The following NFAT5 variants were observed in gnomAD, a reference collection of about 807,000 sequenced individuals.
NFAT5 encodes the protein nuclear factor of activated T-cells 5.
In NFAT5, 31 loss-of-function variants were observed where a neutral mutation model predicts 166.5. The observed-to-expected ratio is 0.19, with a 90% CI of 0.14 to 0.25. The LOEUF (loss-of-function observed/expected upper bound fraction) is 0.25, where lower values mean the gene tolerates loss of function less well. Ranked by LOEUF, NFAT5 falls within the 10% of genes least tolerant of loss-of-function variation. The pLI is 1.00. For missense variants in NFAT5, 1,449 were observed against 1,821.8 expected (o/e 0.80, Z 3.72); for synonymous variants, 612 against 639.7 (o/e 0.96, Z 0.65).
At chr16:69,675,169 G>A (rs1406942628) in intron 9 of NFAT5, among the ~76,000 whole-genome samples, 1 of 152,214 alleles carries the variant, frequency 6.6e-6, no homozygotes, top group Non-Finnish European at 1.5e-5. Context: ...TTACTTAAAT[G>A]TGCTCTCCAA....
Position 69,583,358 on chromosome 16 carries a change from ATAACACCATGCCCAGCTAAT to A in NFAT5, c.127+14814_127+14833del, listed in dbSNP as rs2031826462. 8.6e-5 allele frequency among the ~76,000 whole-genome samples: 13 copies of A among 151,316 alleles called. 1 individual carries two copies. In the South Asian group the frequency reaches 2.7e-3, roughly 32 times the overall value. ...GGGACTACTCAGTGTTTACAGGTGT[ATAACACCATGCCCAGCTAAT>A]TAAAAAAAAAAAAAAATTGTAGGGA... is the stretch of plus-strand genomic sequence containing the variant. On this transcript the variant is annotated intron_variant, in intron 2 of 14. Coordinates refer to ENST00000349945, the MANE Select transcript of NFAT5 (RefSeq NM_138713.4).
chr16:69,568,469 T>G (rs763245008), intron 1 of NFAT5, 26 bp from the exon 2 acceptor site: 7 of 1,604,104 alleles, frequency 4.4e-6, no homozygotes, highest in Non-Finnish European at 6.0e-6. Context: ...GCATAAAAAG[T>G]ACCTAATGCT....
At chr16:69,568,355 T>G in intron 1 of NFAT5, 140 bp from the exon 2 acceptor site, 1 of 331,734 alleles carries the variant, frequency 3.0e-6, no homozygotes, top group Non-Finnish European at 5.5e-6. Context: ...TATGTGTGTG[T>G]GTGTGTGTGT....
chr16:69,680,112 C>T (rs749867139), intron 10 of NFAT5, among the ~76,000 whole-genome samples: 30 of 152,082 alleles, frequency 2.0e-4, no homozygotes, highest in Admixed American at 3.9e-4. Context: ...AGCAAGACTC[C>T]ATCTCAAAAG....
chr16:69,681,728 TA>T (rs11292303), intron 10 of NFAT5, among the ~76,000 whole-genome samples: 6,972 of 151,890 alleles, frequency 0.046, 553 homozygotes, highest in African/African-American at 0.16. Context: ...CCATCCTGGC[TA>T]ACACAGTGAA....
rs1304973511 is a variant in NFAT5, at chr16:69,647,150, T to C, written c.376T>C (p.Cys126Arg). ...CAGCAAGGCTATGCAAGTGGAGAGC[T>C]GCTCCTCAGCCGTGGGGGTAAGTAA... ...TDSKAMQVESCSSAVGVSNRG... is the reference protein window; with the variant it reads ...TDSKAMQVESRSSAVGVSNRG... The change falls in exon 4 of 15, where the codon TGC (cysteine) becomes CGC (arginine). Residue 126 changes from cysteine to arginine, a missense_variant. Around this residue, in one of 7 missense-constraint regions of NFAT5, gnomAD observed 172 missense variants for 194.5 expected, o/e 0.88. Coordinates refer to ENST00000349945, the MANE Select transcript of NFAT5 (RefSeq NM_138713.4). This position sits in a 1 kb window ranked among gnomAD's most constrained non-coding sequence, Gnocchi z 4.8. 1.2e-6 allele frequency: 2 copies of C among 1,614,032 alleles called. No homozygotes were observed. The highest frequency in any genetic ancestry group is 1.7e-6 in the Non-Finnish European group (2 of 1,180,004).
intron 2 of NFAT5, among the ~76,000 whole-genome samples, chr16:69,589,734 A>AT (rs143000731): frequency 3.3e-5 from 5 of 152,088 alleles, no homozygotes; most frequent in Non-Finnish European, 7.4e-5. Flanking sequence ...AGAAATCCTC[A>AT]TTTTTTTGCT....
chr16:69,647,005 T>C lies in NFAT5; in HGVS notation c.254-23T>C. 1 of 1,522,362 alleles carries C rather than the reference T, an allele frequency of 6.6e-7. No homozygotes were observed. The highest frequency in any genetic ancestry group is 8.8e-7 in the Non-Finnish European group (1 of 1,132,308). The allele number at this position is 1,522,362 out of a possible 1,614,324, so 94.3% of individuals were successfully genotyped here. ...TAGGTGAAAACATGTATAGTGTATT[T>C]ACTCTTGAATTGTACACTGCAGATG... On this transcript the variant is annotated intron_variant, in intron 3 of 14. Coordinates refer to ENST00000349945, the MANE Select transcript of NFAT5 (RefSeq NM_138713.4). The surrounding 1 kb of genome is among the most constrained non-coding windows in gnomAD (Gnocchi z 4.8).
intron 2 of NFAT5, among the ~76,000 whole-genome samples, chr16:69,581,607 C>G (rs1271031609): frequency 6.6e-6 from 1 of 152,022 alleles, no homozygotes; most frequent in East Asian, 1.9e-4. Flanking sequence ...TTGCCAGTAC[C>G]TATCTGTCTT....
At chr16:69,649,461 A>G in intron 4 of NFAT5, 1 of 984,560 alleles carries the variant, frequency 1.0e-6, no homozygotes, top group Non-Finnish European at 1.2e-6. Flanking sequence ...AAATGATTTG[A>G]GGTTACCCAG....
intron 2 of NFAT5, among the ~76,000 whole-genome samples, chr16:69,603,006 A>G (rs1173480770): frequency 6.6e-6 from 1 of 152,074 alleles, no homozygotes; most frequent in Non-Finnish European, 1.5e-5. Context: ...AAATCATGTT[A>G]CATGTATTCA....
intron 3 of NFAT5, among the ~76,000 whole-genome samples, chr16:69,638,168 G>A (rs770858584): frequency 6.6e-6 from 1 of 152,106 alleles, no homozygotes; most frequent in Non-Finnish European, 1.5e-5. Context: ...GCAGCGAGCC[G>A]AGATCACGCC....
At chr16:69,656,596 G>A (rs1440397222) in intron 6 of NFAT5, among the ~76,000 whole-genome samples, 1 of 151,948 alleles carries the variant, frequency 6.6e-6, no homozygotes, top group Non-Finnish European at 1.5e-5. Flanking sequence ...GAGATTACAG[G>A]CATCTGCCAC....
At chr16:69,620,370 A>G (rs1323356617) in intron 2 of NFAT5, among the ~76,000 whole-genome samples, 1 of 152,222 alleles carries the variant, frequency 6.6e-6, no homozygotes, top group Non-Finnish European at 1.5e-5. Context: ...AAAATTTTTA[A>G]TGAAATTTAG....
intron 2 of NFAT5, among the ~76,000 whole-genome samples, chr16:69,576,170 T>A (rs1244802270): frequency 6.7e-6 from 1 of 148,618 alleles, no homozygotes; most frequent in Non-Finnish European, 1.5e-5. Flanking sequence ...CTGGGCGTGG[T>A]GGGCGGGCAC....
At chr16:69,660,149 T>C (rs2036059497) in intron 7 of NFAT5, among the ~76,000 whole-genome samples, 1 of 152,192 alleles carries the variant, frequency 6.6e-6, no homozygotes, top group African/African-American at 2.4e-5. Flanking sequence ...AAAAGTAATT[T>C]GGACCAGACA....
chr16:69,628,011 C>T lies in NFAT5; in HGVS notation c.253+1483C>T, dbSNP rs922764305. 3.9e-5 allele frequency among the ~76,000 whole-genome samples: 6 copies of T among 151,980 alleles called. No individual in the cohort carries two copies. The South Asian group carries it at 6.2e-4, about 16-fold the overall frequency. On this transcript the variant is annotated intron_variant, in intron 3 of 14. Transcript: ENST00000349945. ...CTTTTGAGATTGTTTTTTAAAGATACGTTGAATCTATATAGAACTAAAAGT... is the reference window on the plus strand; with the variant it reads ...CTTTTGAGATTGTTTTTTAAAGATATGTTGAATCTATATAGAACTAAAAGT...
At chr16:69,621,432 A>G (rs907553670) in intron 2 of NFAT5, among the ~76,000 whole-genome samples, 35 of 151,154 alleles carry the variant, frequency 2.3e-4, no homozygotes, top group African/African-American at 6.3e-4. Context: ...ACTTTCTCTC[A>G]CTCTCTTTTC....
At chr16:69,573,905 C>T (rs2016585969) in intron 2 of NFAT5, among the ~76,000 whole-genome samples, 1 of 139,524 alleles carries the variant, frequency 7.2e-6, no homozygotes, top group Admixed American at 7.5e-5. Context: ...TAGAGTTTCG[C>T]TCTTGTTGCC....
Sources: allele counts gnomAD v4.1 joint callset (sites outside exome capture counted in the v4.1 genomes callset), GRCh38; gene constraint gnomAD v4.1.1; regional missense constraint gnomAD v4.1.1; non-coding constraint Gnocchi (gnomAD v3.1); transcripts MANE v1.5; gene names NCBI Gene and HGNC (gene_info 2026-07-23, HGNC 2026-07-21).